Variants in CLCN3 observed in about 807,000 individuals in gnomAD.
CLCN3 encodes the protein Cl-/H+ antiporter 3.
In CLCN3, 16 loss-of-function variants were observed where a neutral mutation model predicts 83.4. The observed-to-expected ratio is 0.19, with a 90% CI of 0.13 to 0.29. The LOEUF (loss-of-function observed/expected upper bound fraction) is 0.29. Among genes scored for constraint, CLCN3 ranks in the 10% least tolerant of loss-of-function variants. The pLI, the probability that CLCN3 is intolerant of heterozygous loss-of-function variation, is 1.00. For missense variants in CLCN3, 544 were observed against 1,006.0 expected, an observed-to-expected ratio of 0.54 and a Z score of 6.21; for synonymous variants, 322 against 346.2, an observed-to-expected ratio of 0.93 and a Z score of 0.78.
At chr4:169,704,483 C>G (rs760588411) in intron 10 of CLCN3, among the ~76,000 whole-genome samples, 78 of 152,256 alleles carry the variant, frequency 5.1e-4, no homozygotes, top group Admixed American at 2.1e-3. Flanking sequence ...GAATCCTGAC[C>G]AAAGATGTCT....
intron 2 of CLCN3, chr4:169,660,442 A>G (rs2150219182): frequency 2.9e-6 from 4 of 1,368,464 alleles, no homozygotes; most frequent in Non-Finnish European, 3.7e-6. Context: ...GGAATTACAT[A>G]AAAGAGGTAA....
At chr4:169,715,912 T>C (rs1733406411) in intron 12 of CLCN3, among the ~76,000 whole-genome samples, 1 of 152,138 alleles carries the variant, frequency 6.6e-6, no homozygotes, top group South Asian at 2.1e-4. Context: ...GAACTTATAA[T>C]ATGTTGATAT....
At chr4:169,684,578 C>T (rs181090897) in intron 3 of CLCN3, among the ~76,000 whole-genome samples, 10 of 152,208 alleles carry the variant, frequency 6.6e-5, no homozygotes, top group African/African-American at 1.7e-4. Flanking sequence ...AGACATTTCC[C>T]GCAGCAAACC....
intron 1 of CLCN3, among the ~76,000 whole-genome samples, chr4:169,622,331 T>C (rs1368886987): frequency 6.6e-6 from 1 of 152,142 alleles, no homozygotes; most frequent in African/African-American, 2.4e-5. Flanking sequence ...TGTTAGTAAA[T>C]TGGCTATTTT....
chr4:169,623,240 T>A (rs1266167250), intron 1 of CLCN3, among the ~76,000 whole-genome samples: 3 of 152,222 alleles, frequency 2.0e-5, no homozygotes, highest in South Asian at 4.1e-4. Flanking sequence ...TTTTTATTGG[T>A]TTATTGTTTT....
At chr4:169,654,156 G>A (rs977595135) in intron 2 of CLCN3, among the ~76,000 whole-genome samples, 4 of 152,020 alleles carry the variant, frequency 2.6e-5, no homozygotes, top group Non-Finnish European at 5.9e-5. Flanking sequence ...TTTTCATCCT[G>A]ATAATGGTTG....
In CLCN3 at chr4:169,704,076, C is replaced by G. The variant is rs1210845188; in HGVS notation, c.1642C>G (p.Leu548Val). The G allele has an allele frequency of 2.5e-6, 4 of 1,614,068 alleles. No homozygotes were observed. The highest frequency in any genetic ancestry group is 3.4e-6 in the Non-Finnish European group (4 of 1,179,996). The change falls in exon 10 of 13, where the codon CTT (leucine) becomes GTT (valine). Residue 548 changes from leucine (L) to valine (V), a missense_variant. Physicochemically the swap from Leu to Val is conservative, Grantham distance 32. This residue lies in a region of CLCN3 where 194 missense variants were observed against 341.4 expected (regional missense o/e 0.57). Coordinates refer to ENST00000513761, the MANE Select transcript of CLCN3 (RefSeq NM_001829.4). ...GATTGTGGGGATTGCGGTGGAGCAGCTTGCCTACTATCACCACGACTGGTT... is the reference window on the plus strand; with the variant it reads ...GATTGTGGGGATTGCGGTGGAGCAGGTTGCCTACTATCACCACGACTGGTT... ...GRIVGIAVEQ[L>V]AYYHHDWFIF...
chr4:169,626,809 C>G (rs1773247166), intron 1 of CLCN3, among the ~76,000 whole-genome samples: 1 of 152,114 alleles, frequency 6.6e-6, no homozygotes, highest in Non-Finnish European at 1.5e-5. Context: ...GAAATCCTGT[C>G]TCTACTTATA....
chr4:169,703,972 C>T (rs1251594980), intron 9 of CLCN3, 26 bp from the exon 10 acceptor site: 1 of 1,609,308 alleles, frequency 6.2e-7, no homozygotes. Flanking sequence ...ATCTCTGCTC[C>T]ATAAAGAGTT....
intron 2 of CLCN3, among the ~76,000 whole-genome samples, chr4:169,668,706 G>A (rs1434140821): frequency 6.6e-6 from 1 of 151,002 alleles, no homozygotes; most frequent in East Asian, 1.9e-4. Flanking sequence ...GCATCCGGTA[G>A]TCAGCCCTCC....
chr4:169,670,058 C>G (rs1222159447), intron 2 of CLCN3, among the ~76,000 whole-genome samples: 3 of 152,118 alleles, frequency 2.0e-5, no homozygotes, highest in Non-Finnish European at 2.9e-5. Flanking sequence ...AAAGTTTTCT[C>G]CCATTCTGTA....
In CLCN3 at chr4:169,646,001, A is replaced by G. The variant is rs555191629; in HGVS notation, c.160+9913A>G. Among the ~76,000 whole-genome samples the G allele has an allele frequency of 1.3e-3, 191 of 152,176 alleles. 1 individual carries two copies. Among genetic ancestry groups the G allele is most frequent in the African/African-American group, 4.5e-3 (185 of 41,524 alleles). ...TTGTAAGTAATTTATTTTCCTATGT[A>G]CATAGTTCTGTTTAGAGCTGATTCA... On this transcript the variant is annotated intron_variant, in intron 2 of 12. Transcript: ENST00000513761.
intron 10 of CLCN3, among the ~76,000 whole-genome samples, chr4:169,704,839 A>C (rs907752019): frequency 2.0e-5 from 3 of 152,196 alleles, no homozygotes; most frequent in Admixed American, 2.0e-4. Flanking sequence ...CATTTTGACC[A>C]GTTTTGTTTA....
At chr4:169,692,829 A>G (rs1732421767) in intron 7 of CLCN3, among the ~76,000 whole-genome samples, 1 of 152,176 alleles carries the variant, frequency 6.6e-6, no homozygotes, top group Non-Finnish European at 1.5e-5. Flanking sequence ...CATTAAAGAG[A>G]TTACAGGAAA....
intron 12 of CLCN3, chr4:169,717,693 G>C (rs1733477059): frequency 1.4e-6 from 1 of 716,732 alleles, no homozygotes; most frequent in Non-Finnish European, 2.3e-6. Context: ...CATTCTTATG[G>C]TTCATGTTTT....
At chr4:169,698,053 C>A (rs182278518) in intron 9 of CLCN3, among the ~76,000 whole-genome samples, 1 of 152,038 alleles carries the variant, frequency 6.6e-6, no homozygotes, top group Non-Finnish European at 1.5e-5. Flanking sequence ...TTAGACATGG[C>A]GAGGGCTAAT....
chr4:169,692,242 A>C lies in CLCN3; in HGVS notation c.858A>C (p.Val286=). The change falls in exon 7 of 13, where the codon GTA becomes GTC. Residue 286 remains valine (V), a synonymous_variant. Transcript: ENST00000513761. The part of the protein sequence containing the change: ...GLSLGKEGPL[V]HVACCCGNIF... ...GTTTAGGAAAAGAAGGTCCCCTGGT[A>C]CATGTTGCCTGTTGCTGCGGAAATA... 1.2e-6 allele frequency: 2 copies of C among 1,613,674 alleles called. No individual in the cohort carries two copies. The highest frequency in any genetic ancestry group is 1.7e-6 in the Non-Finnish European group (2 of 1,179,608).
rs748474380 is a variant in CLCN3 at position 169,704,191 on chromosome 4, T to A, written c.1750+7T>A. On this transcript the variant is annotated splice_region_variant and intron_variant, in intron 10 of 12. Transcript: ENST00000513761. ...GGTGCTGCTGCATGCTTAGGTAATA[T>A]GGCTGTGTCTGCCTGTGTGTGGATG... The A allele has an allele frequency of 1.2e-6, 2 of 1,606,920 alleles. No individual in the cohort carries two copies. The highest frequency in any genetic ancestry group is 1.7e-6 in the Non-Finnish European group (2 of 1,175,308).
At chr4:169,630,121 G>T (rs1481274853) in intron 1 of CLCN3, among the ~76,000 whole-genome samples, 1 of 152,168 alleles carries the variant, frequency 6.6e-6, no homozygotes, top group Non-Finnish European at 1.5e-5. Context: ...ATGAGTAGGA[G>T]AGTTAATTCT....
Sources: gnomAD v4.1 joint callset for allele counts (sites outside exome capture counted in the v4.1 genomes callset) on GRCh38, gnomAD v4.1.1 for gene constraint, gnomAD v4.1.1 regional missense constraint, MANE v1.5 for transcripts, NCBI Gene and HGNC (gene_info 2026-07-23, HGNC 2026-07-21) for gene names.